The following NRG3 variants were observed in gnomAD, a reference collection of about 807,000 sequenced individuals.
NRG3 encodes pro-neuregulin-3, membrane-bound isoform.
Under a neutral mutation model 66.9 loss-of-function variants are expected in NRG3, and 31 were observed. The observed-to-expected ratio is 0.46, with a 90% CI of 0.35 to 0.63. The LOEUF is 0.63. Ranked by LOEUF, NRG3 falls within the 20% of genes least tolerant of loss-of-function variation. The probability of loss-of-function intolerance (pLI) is 0.00; values close to 1 mark genes in which losing one functional copy is unlikely to be tolerated. For synonymous variants in NRG3, 393 were observed against 359.4 expected, an observed-to-expected ratio of 1.09 and a Z score of -1.06; for missense variants, 910 against 878.9, an observed-to-expected ratio of 1.04 and a Z score of -0.45.
At chr10:82,338,430 C>T (rs1018387795) in intron 1 of NRG3, among the ~76,000 whole-genome samples, 5 of 152,218 alleles carry the variant, frequency 3.3e-5, no homozygotes, top group African/African-American at 1.2e-4. Flanking sequence ...CCCTGCCCAG[C>T]ACTTAGCAGA....
chr10:82,814,015 GCACGGTT>G (rs1439390694), intron 3 of NRG3, among the ~76,000 whole-genome samples: 6 of 152,182 alleles, frequency 3.9e-5, no homozygotes, highest in African/African-American at 1.4e-4. Flanking sequence ...TGTGCAGGTG[GCACGGTT>G]CACTCCCAGG....
At chr10:81,923,438 C>G (rs1009429914) in intron 1 of NRG3, among the ~76,000 whole-genome samples, 10 of 152,310 alleles carry the variant, frequency 6.6e-5, no homozygotes, top group African/African-American at 1.9e-4. Flanking sequence ...ATCTCCTGAC[C>G]TGGTGATCCG....
intron 3 of NRG3, among the ~76,000 whole-genome samples, chr10:82,762,980 G>A (rs904144341): frequency 6.6e-6 from 1 of 152,150 alleles, no homozygotes; most frequent in South Asian, 2.1e-4. Context: ...TCTCTGAAAT[G>A]CATTTGATTT....
At chr10:82,320,751 G>A (rs1299154300) in intron 1 of NRG3, among the ~76,000 whole-genome samples, 1 of 152,106 alleles carries the variant, frequency 6.6e-6, no homozygotes, top group Non-Finnish European at 1.5e-5. Flanking sequence ...TGGTTCCCCA[G>A]CAAAGTCCCC....
At position 82,908,895 on chromosome 10, in the gene NRG3, T is replaced by TGGTG. The variant is rs1438221636; in HGVS notation, c.1055-42574_1055-42573insGGTG. Among the ~76,000 whole-genome samples, 21 of 147,136 alleles carry TGGTG rather than the reference T, an allele frequency of 1.4e-4. 1 individual carries two copies. Among genetic ancestry groups the TGGTG allele is most frequent in the South Asian group, 2.2e-4 (1 of 4,616 alleles). On this transcript the variant is annotated intron_variant, in intron 4 of 8. Coordinates refer to ENST00000372141, the MANE Select transcript of NRG3 (RefSeq NM_001010848.4). Reference sequence around the variant, plus strand: ...GGAGAGGAAGCCAATGGAGGTAGTGTAGTGAGTAGACACCACGCCCTCAGC... The same window carrying TGGTG: ...GGAGAGGAAGCCAATGGAGGTAGTGTGGTGAGTGAGTAGACACCACGCCCTCAGC...
intron 2 of NRG3, among the ~76,000 whole-genome samples, chr10:82,394,652 T>C (rs2086603045): frequency 6.6e-6 from 1 of 152,186 alleles, no homozygotes; most frequent in Admixed American, 6.5e-5. Flanking sequence ...AGCAGTATTT[T>C]ATTAAAACCA....
At chr10:82,740,302 T>C (rs2058361097) in intron 3 of NRG3, among the ~76,000 whole-genome samples, 1 of 151,430 alleles carries the variant, frequency 6.6e-6, no homozygotes, top group South Asian at 2.1e-4. Flanking sequence ...GAATAGCTAT[T>C]CAGTACAGGT....
At chr10:82,757,549 C>T (rs551382065) in intron 3 of NRG3, among the ~76,000 whole-genome samples, 1 of 152,124 alleles carries the variant, frequency 6.6e-6, no homozygotes, top group East Asian at 1.9e-4. Context: ...TGGGATAAAC[C>T]TGATATGCTC....
chr10:82,483,708 G>T (rs1842465914), intron 2 of NRG3, among the ~76,000 whole-genome samples: 1 of 152,144 alleles, frequency 6.6e-6, no homozygotes, highest in Non-Finnish European at 1.5e-5. Context: ...ACTTGGGTTG[G>T]AAAGGAGGGA....
At chr10:81,966,240 CATA>C (rs965644449) in intron 1 of NRG3, among the ~76,000 whole-genome samples, 244 of 151,206 alleles carry the variant, frequency 1.6e-3, no homozygotes, top group African/African-American at 5.6e-3. Context: ...TCTACCTTGT[CATA>C]ATATGTTCTT....
chr10:82,445,165 T>G (rs926297496), intron 2 of NRG3, among the ~76,000 whole-genome samples: 3 of 151,778 alleles, frequency 2.0e-5, no homozygotes, highest in African/African-American at 7.3e-5. Flanking sequence ...ACCCTATAAC[T>G]TCTCCCAGAA....
intron 1 of NRG3, among the ~76,000 whole-genome samples, chr10:82,153,941 G>T (rs2070985103): frequency 6.6e-6 from 1 of 151,688 alleles, no homozygotes; most frequent in South Asian, 2.1e-4. Context: ...AGTTGTTTGA[G>T]TTCCTTATAT....
intron 2 of NRG3, among the ~76,000 whole-genome samples, chr10:82,716,272 G>A (rs1035087762): frequency 2.0e-5 from 3 of 152,104 alleles, no homozygotes; most frequent in Admixed American, 1.3e-4. Flanking sequence ...GTTGGGTTAA[G>A]CATATACATA....
intron 1 of NRG3, among the ~76,000 whole-genome samples, chr10:82,169,002 T>C (rs967271335): frequency 6.6e-5 from 10 of 152,124 alleles, no homozygotes; most frequent in African/African-American, 2.4e-4. Flanking sequence ...ATTCATGCCT[T>C]CCTACAATTC....
At chr10:82,211,869 C>T (rs1027556360) in intron 1 of NRG3, among the ~76,000 whole-genome samples, 1 of 152,092 alleles carries the variant, frequency 6.6e-6, no homozygotes, top group Non-Finnish European at 1.5e-5. Context: ...ATAACACACC[C>T]CTATACTAGA....
chr10:82,384,248 A>T (rs1034144766), intron 2 of NRG3, among the ~76,000 whole-genome samples: 1 of 152,174 alleles, frequency 6.6e-6, no homozygotes, highest in Admixed American at 6.5e-5. Flanking sequence ...ACTTGAAACT[A>T]TAAAACTTTA....
chr10:82,634,460 A>T (rs2050049786), intron 2 of NRG3, among the ~76,000 whole-genome samples: 1 of 152,220 alleles, frequency 6.6e-6, no homozygotes, highest in Admixed American at 6.5e-5. Flanking sequence ...AGAGGTAATT[A>T]AAAATAGCAT....
intron 2 of NRG3, among the ~76,000 whole-genome samples, chr10:82,585,313 A>G (rs1393004101): frequency 6.6e-6 from 1 of 152,336 alleles, no homozygotes; most frequent in Non-Finnish European, 1.5e-5. Flanking sequence ...GAATAAACTG[A>G]GGTCATACAA....
intron 1 of NRG3, among the ~76,000 whole-genome samples, chr10:82,098,676 G>A (rs911334448): frequency 2.6e-5 from 4 of 152,100 alleles, no homozygotes; most frequent in Non-Finnish European, 4.4e-5. Flanking sequence ...TTCTGGATAT[G>A]GTTCTTTTTT....
Sources: allele counts gnomAD v4.1 joint callset (sites outside exome capture counted in the v4.1 genomes callset), GRCh38; gene constraint gnomAD v4.1.1; transcripts MANE v1.5; gene names NCBI Gene and HGNC (gene_info 2026-07-23, HGNC 2026-07-21).